SEL1L2: variants seen among roughly 807,000 people sequenced by gnomAD.
SEL1L2 encodes protein sel-1 homolog 2.
A neutral mutation model predicts 98.8 loss-of-function variants in SEL1L2; 89 were observed. The ratio of observed to expected loss-of-function variants is 0.90; its 90% confidence interval spans 0.76 to 1.07. The LOEUF (loss-of-function observed/expected upper bound fraction) is 1.07. SEL1L2 is among the 50% of genes least tolerant of loss of function. The pLI is 0.00. For synonymous variants in SEL1L2, 262 were observed against 278.5 expected (o/e 0.94, Z 0.59); for missense variants, 788 against 812.0 (o/e 0.97, Z 0.36).
At chr20:13,934,111 T>G (rs926335974) in intron 2 of SEL1L2, among the ~76,000 whole-genome samples, 2 of 150,576 alleles carry the variant, frequency 1.3e-5, no homozygotes, top group Non-Finnish European at 3.0e-5. Context: ...CTTTTATTCC[T>G]CATCCTCTTC....
chr20:13,985,418 C>T (rs1289032830), intron 1 of SEL1L2, among the ~76,000 whole-genome samples: 6 of 152,164 alleles, frequency 3.9e-5, no homozygotes, highest in African/African-American at 1.4e-4. Flanking sequence ...TGAACACTCA[C>T]TAATCTTTCA....
chr20:13,929,487 C>CTTT (rs747948529), intron 3 of SEL1L2, among the ~76,000 whole-genome samples: 5,400 of 73,288 alleles, frequency 0.074, 1,948 homozygotes, highest in African/African-American at 0.15. Context: ...TTGCCTTTGC[C>CTTT]TTTTTTTTTT....
Position 13,865,474 on chromosome 20 carries a change from T to A in SEL1L2, c.1445A>T (p.Lys482Ile). 1.2e-6 allele frequency: 2 copies of A among 1,614,088 alleles called. No individual in the cohort carries two copies. The highest frequency in any genetic ancestry group is 1.7e-6 in the Non-Finnish European group (2 of 1,179,966). Residue 482 changes from lysine to isoleucine, a missense_variant, in exon 16 of 20, where the codon AAA (lysine) becomes ATA (isoleucine). Coordinates refer to ENST00000284951, the MANE Select transcript of SEL1L2 (RefSeq NM_025229.2). The part of the protein sequence containing the change: ...GVCELGHWAE[K>I]FLTAYFAYKD... ...ATAGGCAAAGTAAGCTGTCAGGAAT[T>A]TCTCAGCCCAGTGGCCTAGTTCACA...
intron 18 of SEL1L2, among the ~76,000 whole-genome samples, chr20:13,858,750 G>T (rs1989562992): frequency 1.3e-5 from 2 of 152,144 alleles, no homozygotes; most frequent in Non-Finnish European, 2.9e-5. Flanking sequence ...TGTAGTCTTG[G>T]GGGACTGGAG....
At chr20:13,864,419 C>A (rs1439956178) in intron 17 of SEL1L2, among the ~76,000 whole-genome samples, 3 of 152,104 alleles carry the variant, frequency 2.0e-5, no homozygotes, top group Non-Finnish European at 2.9e-5. Flanking sequence ...TCTCTTATTG[C>A]AAGAGAGTTT....
chr20:13,883,100 G>A (rs2046792025), intron 10 of SEL1L2, among the ~76,000 whole-genome samples: 1 of 152,110 alleles, frequency 6.6e-6, no homozygotes, highest in African/African-American at 2.4e-5. Flanking sequence ...GATTACAGGC[G>A]TGAGCCACCG....
chr20:13,907,704 TTC>T (rs1220407437), intron 5 of SEL1L2, among the ~76,000 whole-genome samples: 7 of 59,706 alleles, frequency 1.2e-4, no homozygotes, highest in Admixed American at 8.7e-4. Flanking sequence ...TTCTTTCTCT[TTC>T]TTTCTTTCTT....
At chr20:13,872,254 G>A (rs776405409) in intron 12 of SEL1L2, among the ~76,000 whole-genome samples, 2 of 149,290 alleles carry the variant, frequency 1.3e-5, no homozygotes, top group South Asian at 4.2e-4. Context: ...GCCTTGTTTA[G>A]ATGTCATCTT....
At chr20:13,873,822 C>A (rs1819273370) in intron 12 of SEL1L2, among the ~76,000 whole-genome samples, 1 of 152,086 alleles carries the variant, frequency 6.6e-6, no homozygotes, top group African/African-American at 2.4e-5. Flanking sequence ...TTTAATAATC[C>A]CCTGCCCTGG....
chr20:13,895,651 T>C (rs183764011), intron 5 of SEL1L2, among the ~76,000 whole-genome samples: 1 of 152,300 alleles, frequency 6.6e-6, no homozygotes, highest in East Asian at 1.9e-4. Flanking sequence ...TCATACCCAA[T>C]GGTAAAAAAC....
In SEL1L2 at chr20:13,849,418, G is replaced by T; in HGVS notation, c.*67C>A. 6.3e-7 allele frequency: 1 copy of T among 1,577,612 alleles called. No homozygotes were observed. Among genetic ancestry groups the T allele is most frequent in the Non-Finnish European group, 8.6e-7 (1 of 1,158,068 alleles). ...GGACTCTTGATTTGGATGGGAAACT[G>T]TTTATTTAGTGGGGATACCTTGGAG... is the stretch of plus-strand genomic sequence containing the variant. On this transcript the variant is annotated 3_prime_UTR_variant, in exon 20 of 20. Transcript: ENST00000284951.
upstream of SEL1L2, among the ~76,000 whole-genome samples, chr20:13,991,773 AC>A (rs1479140580): frequency 1.3e-5 from 2 of 152,148 alleles, no homozygotes; most frequent in African/African-American, 4.8e-5. Context: ...CAGTTGGATT[AC>A]TTGAGGCCAG....
intron 1 of SEL1L2, among the ~76,000 whole-genome samples, chr20:13,986,566 A>G (rs1189345391): frequency 6.6e-6 from 1 of 152,236 alleles, no homozygotes; most frequent in African/African-American, 2.4e-5. Context: ...TGTAACACCT[A>G]TGAGCACTTC....
chr20:13,917,612 A>G (rs2048458956), intron 4 of SEL1L2, among the ~76,000 whole-genome samples: 1 of 151,872 alleles, frequency 6.6e-6, no homozygotes, highest in Non-Finnish European at 1.5e-5. Flanking sequence ...GTATTTTTAT[A>G]CTTCTCAAAG....
At chr20:13,942,604 G>A (rs927633754) in intron 2 of SEL1L2, among the ~76,000 whole-genome samples, 9 of 152,154 alleles carry the variant, frequency 5.9e-5, no homozygotes, top group South Asian at 2.1e-4. Flanking sequence ...GTACATGAGA[G>A]TGAAATTGAA....
At chr20:13,993,239 C>G (rs569445442), upstream of SEL1L2, among the ~76,000 whole-genome samples, 4 of 152,236 alleles carry the variant, frequency 2.6e-5, no homozygotes, top group African/African-American at 9.6e-5. Flanking sequence ...TTATACAGAC[C>G]GCTCAATAAA....
chr20:13,850,084 G>A, intron 19 of SEL1L2, 107 bp downstream of exon 19: 1 of 1,324,888 alleles, frequency 7.5e-7, no homozygotes, highest in Non-Finnish European at 1.0e-6. Flanking sequence ...ACTTCTCAAA[G>A]GAAAGCCAGT....
At chr20:13,930,559 G>C (rs2049100273) in intron 3 of SEL1L2, among the ~76,000 whole-genome samples, 1 of 152,172 alleles carries the variant, frequency 6.6e-6, no homozygotes, top group South Asian at 2.1e-4. Flanking sequence ...ACTTCAGTTA[G>C]CTAAGCATGT....
At chr20:13,939,022 G>C (rs1393148512) in intron 2 of SEL1L2, among the ~76,000 whole-genome samples, 1 of 103,890 alleles carries the variant, frequency 9.6e-6, no homozygotes, top group African/African-American at 3.8e-5. Context: ...TTTTCTTTTT[G>C]GTTTGTTTGC....
Sources: gnomAD v4.1 joint callset for allele counts (sites outside exome capture counted in the v4.1 genomes callset) on GRCh38, gnomAD v4.1.1 for gene constraint, MANE v1.5 for transcripts, NCBI Gene and HGNC (gene_info 2026-07-23, HGNC 2026-07-21) for gene names.